NDST4: variants seen among roughly 807,000 people sequenced by gnomAD.
NDST4 encodes the protein N-heparan sulfate sulfotransferase 4.
In NDST4, 63 loss-of-function variants were observed where a neutral mutation model predicts 100.8. The observed-to-expected ratio is 0.62, with a 90% CI of 0.51 to 0.77. NDST4 has a LOEUF of 0.77. Among genes scored for constraint, NDST4 ranks in the 30% least tolerant of loss-of-function variants. The pLI is 0.00. For synonymous variants in NDST4, 377 were observed against 361.8 expected, an observed-to-expected ratio of 1.04 and a Z score of -0.48; for missense variants, 943 against 1,018.4, an observed-to-expected ratio of 0.93 and a Z score of 1.01.
At chr4:114,936,136 C>T (rs1013785327) in intron 5 of NDST4, among the ~76,000 whole-genome samples, 1 of 151,788 alleles carries the variant, frequency 6.6e-6, no homozygotes, top group African/African-American at 2.4e-5. Context: ...TAATGCCATA[C>T]AAGATCCAAT....
intron 7 of NDST4, among the ~76,000 whole-genome samples, chr4:114,869,743 GT>G (rs1724107676): frequency 6.6e-6 from 1 of 152,152 alleles, no homozygotes; most frequent in South Asian, 2.1e-4. Context: ...ATGTATGTTA[GT>G]GAATAATGAG....
intron 2 of NDST4, among the ~76,000 whole-genome samples, chr4:115,031,785 A>G (rs1030771867): frequency 6.6e-6 from 1 of 152,098 alleles, no homozygotes. Flanking sequence ...ATAAACTAGA[A>G]TTAAGAAAGG....
chr4:115,041,228 T>C (rs1728345944), intron 2 of NDST4, among the ~76,000 whole-genome samples: 1 of 152,058 alleles, frequency 6.6e-6, no homozygotes, highest in African/African-American at 2.4e-5. Flanking sequence ...CAGACTTACT[T>C]AAATATTGAA....
At chr4:114,881,299 T>A (rs1009894105) in intron 6 of NDST4, among the ~76,000 whole-genome samples, 2 of 151,984 alleles carry the variant, frequency 1.3e-5, no homozygotes, top group African/African-American at 4.8e-5. Context: ...TTAAATAGAT[T>A]CAAAATATGT....
intron 2 of NDST4, among the ~76,000 whole-genome samples, chr4:115,044,213 T>C (rs1162676637): frequency 6.6e-6 from 1 of 152,156 alleles, no homozygotes; most frequent in Admixed American, 6.6e-5. Context: ...AGGCTAGATA[T>C]GCTACAGAGA....
intron 12 of NDST4, among the ~76,000 whole-genome samples, chr4:114,831,041 C>T (rs1396097431): frequency 6.6e-6 from 1 of 152,168 alleles, no homozygotes; most frequent in Admixed American, 6.5e-5. Flanking sequence ...TCATTTCCAA[C>T]CTGGACTTTT....
chr4:114,883,347 A>C (rs558763487), intron 6 of NDST4, among the ~76,000 whole-genome samples: 15 of 152,192 alleles, frequency 9.9e-5, no homozygotes, highest in African/African-American at 3.6e-4. Flanking sequence ...AGGGACCTGC[A>C]CTACAGCACT....
At chr4:114,898,180 G>C (rs900938406) in intron 6 of NDST4, among the ~76,000 whole-genome samples, 1 of 152,082 alleles carries the variant, frequency 6.6e-6, no homozygotes, top group Non-Finnish European at 1.5e-5. Context: ...GAGTTTTATA[G>C]TTTTAGGTCT....
chr4:114,852,299 T>C (rs1723695424), intron 8 of NDST4, among the ~76,000 whole-genome samples: 1 of 152,148 alleles, frequency 6.6e-6, no homozygotes, highest in African/African-American at 2.4e-5. Flanking sequence ...ATCATGGCAG[T>C]GACTGAATAA....
At chr4:114,962,358 A>T (rs1726282262) in intron 4 of NDST4, among the ~76,000 whole-genome samples, 1 of 152,064 alleles carries the variant, frequency 6.6e-6, no homozygotes, top group South Asian at 2.1e-4. Context: ...AGGATGAAGA[A>T]GTAAAAGTAT....
At chr4:114,947,224 G>A (rs1329034534) in intron 4 of NDST4, among the ~76,000 whole-genome samples, 2 of 152,134 alleles carry the variant, frequency 1.3e-5, no homozygotes, top group African/African-American at 4.8e-5. Context: ...TAAACTTGGT[G>A]TCAATTTGGA....
intron 1 of NDST4, among the ~76,000 whole-genome samples, chr4:115,101,351 G>T (rs1666554641): frequency 6.6e-6 from 1 of 151,994 alleles, no homozygotes; most frequent in African/African-American, 2.4e-5. Flanking sequence ...CCACTAGTTT[G>T]CTGACTAATA....
intron 2 of NDST4, among the ~76,000 whole-genome samples, chr4:114,980,774 AC>A (rs1726751143): frequency 6.6e-6 from 1 of 152,136 alleles, no homozygotes; most frequent in Admixed American, 6.5e-5. Context: ...TTTTTCTTTT[AC>A]TGCTTATGAA....
chr4:115,006,843 T>G (rs1727430293), intron 2 of NDST4, among the ~76,000 whole-genome samples: 1 of 151,996 alleles, frequency 6.6e-6, no homozygotes, highest in Non-Finnish European at 1.5e-5. Flanking sequence ...TGGGAACACT[T>G]AATGGTTATG....
chr4:114,994,757 G>GA (rs372836764), intron 2 of NDST4, among the ~76,000 whole-genome samples: 1 of 151,866 alleles, frequency 6.6e-6, no homozygotes, highest in Non-Finnish European at 1.5e-5. Flanking sequence ...TTTGAGCTTG[G>GA]AAAAAATCTT....
At chr4:114,851,915 C>A (rs1352872085) in intron 8 of NDST4, among the ~76,000 whole-genome samples, 1 of 152,078 alleles carries the variant, frequency 6.6e-6, no homozygotes, top group East Asian at 1.9e-4. Context: ...CTGGGCCAGG[C>A]TTATTTATTG....
In NDST4 at chr4:115,021,688, T is replaced by C. The variant is rs116064221; in HGVS notation, c.979-44414A>G. ...TCCACATATACACATTCCATATATA[T>C]ACACGTTCCACATCTATACACATTC... On this transcript the variant is annotated intron_variant, in intron 2 of 13. Coordinates refer to ENST00000264363, the MANE Select transcript of NDST4 (RefSeq NM_022569.3). Among the ~76,000 whole-genome samples, 818 of 143,186 alleles carry C rather than the reference T, an allele frequency of 5.7e-3. 6 individuals are homozygous for C. The highest frequency in any genetic ancestry group is 0.017 in the Middle Eastern group (4 of 242). 93.9% of individuals were successfully genotyped at this position (143,186 alleles called of 152,430 possible).
At chr4:114,994,435 G>A (rs1468533071) in intron 2 of NDST4, among the ~76,000 whole-genome samples, 1 of 151,864 alleles carries the variant, frequency 6.6e-6, no homozygotes, top group Non-Finnish European at 1.5e-5. Context: ...TTTGTACCAT[G>A]ATGCATCCCA....
chr4:115,075,937 A>C (rs1036008297), intron 2 of NDST4, 122 bp downstream of exon 2: 20 of 1,180,400 alleles, frequency 1.7e-5, no homozygotes, highest in Non-Finnish European at 2.1e-5. Flanking sequence ...CTAAATGGCT[A>C]TCTTATTTCA....
Sources: allele counts gnomAD v4.1 joint callset (sites outside exome capture counted in the v4.1 genomes callset), GRCh38; gene constraint gnomAD v4.1.1; transcripts MANE v1.5; gene names NCBI Gene and HGNC (gene_info 2026-07-23, HGNC 2026-07-21).